MAP2: variants seen among roughly 807,000 people sequenced by gnomAD.
MAP2 encodes microtubule-associated protein 2.
In MAP2, 14 loss-of-function variants were observed where a neutral mutation model predicts 137.6. The observed-to-expected ratio is 0.10, with a 90% CI of 0.07 to 0.16. The LOEUF is 0.16. MAP2 is among the 10% of genes least tolerant of loss of function. MAP2 has a pLI of 1.00. For missense variants in MAP2, 2,088 were observed against 2,191.5 expected (o/e 0.95, Z 0.94); for synonymous variants, 786 against 782.3 (o/e 1.00, Z -0.08).
chr2:209,638,667 T>C (rs985194964), intron 4 of MAP2, among the ~76,000 whole-genome samples: 2 of 152,154 alleles, frequency 1.3e-5, no homozygotes, highest in South Asian at 2.1e-4. Flanking sequence ...CATCCATCCA[T>C]TTTTCTTTTT....
intron 3 of MAP2, among the ~76,000 whole-genome samples, chr2:209,614,371 T>A (rs1248109805): frequency 6.6e-6 from 1 of 152,182 alleles, no homozygotes; most frequent in East Asian, 1.9e-4. Context: ...CTCCTATTTA[T>A]AGGGAGGCAG....
At chr2:209,646,617 C>T (rs748937280) in intron 4 of MAP2, among the ~76,000 whole-genome samples, 1 of 152,150 alleles carries the variant, frequency 6.6e-6, no homozygotes, top group Non-Finnish European at 1.5e-5. Context: ...AAAAGACCTA[C>T]CCATCAGCTA....
At chr2:209,511,438 A>G (rs1445700667) in intron 2 of MAP2, among the ~76,000 whole-genome samples, 2 of 152,176 alleles carry the variant, frequency 1.3e-5, no homozygotes, top group East Asian at 1.9e-4. Flanking sequence ...TCTCAGTGCT[A>G]TAAGACTTCC....
chr2:209,445,815 G>T (rs1698913433), intron 1 of MAP2, among the ~76,000 whole-genome samples: 2 of 151,516 alleles, frequency 1.3e-5, no homozygotes, highest in East Asian at 1.9e-4. Flanking sequence ...ATAATATGTG[G>T]ACTCAAACTC....
At chr2:209,471,650 G>A (rs1437954370) in intron 1 of MAP2, among the ~76,000 whole-genome samples, 1 of 27,776 alleles carries the variant, frequency 3.6e-5, no homozygotes, top group East Asian at 9.5e-4. Flanking sequence ...CCCCACCCCC[G>A]GCACTTAATA....
At position 209,631,018 on chromosome 2, in the gene MAP2, A is replaced by G. The variant is rs1300611864; in HGVS notation, c.-30+5889A>G. 5.0e-4 allele frequency among the ~76,000 whole-genome samples: 68 copies of G among 137,052 alleles called. 1 individual carries two copies. The highest frequency in any genetic ancestry group is 1.8e-3 in the African/African-American group (67 of 36,658). 89.9% of individuals were successfully genotyped at this position (137,052 alleles called of 152,430 possible). The stretch of plus-strand genomic sequence containing the variant: ...GGGAGCTACAAGCAAAAAAAAAAAA[A>G]AAAAAAAAAAAAAAAAAGAGAGAGA... On this transcript the variant is annotated intron_variant, in intron 4 of 15. Transcript: ENST00000682079.
intron 7 of MAP2, chr2:209,684,632 AG>A (rs2056288921): frequency 6.6e-6 from 1 of 152,228 alleles, no homozygotes; most frequent in East Asian, 1.9e-4. Context: ...AAAGCAAACT[AG>A]GGAAACTTTA....
chr2:209,681,265 C>T (rs113664412), intron 7 of MAP2, among the ~76,000 whole-genome samples: 5 of 152,216 alleles, frequency 3.3e-5, no homozygotes, highest in African/African-American at 9.6e-5. Context: ...CTGTTTTGCT[C>T]ACTGTTATAT....
chr2:209,701,840 A>T (rs2153736763), intron 11 of MAP2, among the ~76,000 whole-genome samples: 1 of 152,138 alleles, frequency 6.6e-6, no homozygotes, highest in South Asian at 2.1e-4. Context: ...CAAATTAATG[A>T]TGTATGGTGG....
chr2:209,651,853 A>AC (rs546401944), intron 4 of MAP2, among the ~76,000 whole-genome samples: 31 of 151,946 alleles, frequency 2.0e-4, no homozygotes, highest in African/African-American at 7.5e-4. Context: ...CAGTTAAAAA[A>AC]CCCCCAGACA....
rs769813764 is a variant in MAP2, at chr2:209,693,975, T to C, written c.1805T>C (p.Val602Ala). Residue 602 changes from valine (V) to alanine (A), a missense_variant, in exon 8 of 16, where the codon GTC becomes GCC. Physicochemically the swap from Val to Ala is moderately conservative, Grantham distance 64. Coordinates refer to ENST00000682079, the MANE Select transcript of MAP2 (RefSeq NM_001375505.1). ...YYELSDTRES[V>A]HESIDTMSPM... is the part of the protein sequence containing the mutation. ...GAACTGAGTGACACTAGAGAAAGTG[T>C]CCATGAGTCTATTGATACCATGTCT... is the stretch of plus-strand genomic sequence containing the variant. 6.2e-7 allele frequency: 1 copy of C among 1,613,880 alleles called. No homozygotes were observed.
In MAP2 at chr2:209,695,479, T is replaced by C. The variant is rs1189473509; in HGVS notation, c.3309T>C (p.Thr1103=). The part of the protein sequence containing the change: ...GVESGHMKEG[T]KVSETEVKEK... ...AGTCTGGCCACATGAAAGAAGGCAC[T>C]AAAGTTAGTGAGACAGAAGTCAAAG... is the stretch of plus-strand genomic sequence containing the variant. The change falls in exon 8 of 16, where the codon ACT becomes ACC. Residue 1103 remains threonine (T), a synonymous_variant. Transcript: ENST00000682079. 3 of 1,614,050 alleles carry C rather than the reference T, an allele frequency of 1.9e-6. No individual in the cohort carries two copies. In the Admixed American group the frequency reaches 5.0e-5, roughly 27 times the overall value.
At chr2:209,567,217 TG>T (rs1237477711) in intron 2 of MAP2, among the ~76,000 whole-genome samples, 2 of 152,148 alleles carry the variant, frequency 1.3e-5, no homozygotes, top group African/African-American at 4.8e-5. Context: ...CATTATTCAT[TG>T]TACCCAGTGT....
At chr2:209,684,347 G>C (rs967845354) in intron 7 of MAP2, among the ~76,000 whole-genome samples, 2 of 152,196 alleles carry the variant, frequency 1.3e-5, no homozygotes, top group South Asian at 4.1e-4. Flanking sequence ...TCATTCTGGG[G>C]CAGCAGTAAC....
In MAP2 at chr2:209,694,055, A is replaced by C; in HGVS notation, c.1885A>C (p.Ser629Arg). The change falls in exon 8 of 16, where the codon AGT becomes CGT. Residue 629 changes from serine (S) to arginine (R), a missense_variant. This residue lies in a region of MAP2 where 859 missense variants were observed against 794.5 expected (regional missense o/e 1.08). Coordinates refer to ENST00000682079, the MANE Select transcript of MAP2 (RefSeq NM_001375505.1). ...TCAAACAGGAAAAGAATCCCAGCCC[A>C]GTCCTCCAGCACAAGAAGCAGGGTA... is the stretch of plus-strand genomic sequence containing the variant. The part of the protein sequence containing the change: ...EFQTGKESQP[S>R]PPAQEAGYST... 6.2e-7 allele frequency: 1 copy of C among 1,613,444 alleles called. No homozygotes were observed. The highest frequency in any genetic ancestry group is 8.5e-7 in the Non-Finnish European group (1 of 1,179,784).
At chr2:209,496,585 G>A (rs2059779671) in intron 1 of MAP2, among the ~76,000 whole-genome samples, 1 of 152,036 alleles carries the variant, frequency 6.6e-6, no homozygotes, top group Non-Finnish European at 1.5e-5. Flanking sequence ...TAGGTCAGTT[G>A]CCTGATGAAT....
intron 2 of MAP2, among the ~76,000 whole-genome samples, chr2:209,531,260 A>C (rs1384053239): frequency 6.6e-6 from 1 of 152,188 alleles, no homozygotes; most frequent in African/African-American, 2.4e-5. Flanking sequence ...TTCTTATTGC[A>C]CCTGACTGTC....
At chr2:209,660,882 C>T (rs2043239786) in intron 5 of MAP2, among the ~76,000 whole-genome samples, 1 of 149,862 alleles carries the variant, frequency 6.7e-6, no homozygotes, top group Admixed American at 6.7e-5. Context: ...CTACAGGTGC[C>T]CGCCACCACG....
chr2:209,605,404 A>T (rs577601767), intron 3 of MAP2, among the ~76,000 whole-genome samples: 1 of 152,304 alleles, frequency 6.6e-6, no homozygotes, highest in Non-Finnish European at 1.5e-5. Flanking sequence ...ATAGTGAAGG[A>T]AAGTTGGAGG....
Sources: gnomAD v4.1 joint callset for allele counts (sites outside exome capture counted in the v4.1 genomes callset) on GRCh38, gnomAD v4.1.1 for gene constraint, gnomAD v4.1.1 regional missense constraint, MANE v1.5 for transcripts, NCBI Gene and HGNC (gene_info 2026-07-23, HGNC 2026-07-21) for gene names.